The following NEK1 variants were observed in gnomAD, a reference collection of about 807,000 sequenced individuals.
NEK1 encodes the protein NIMA related kinase 1.
A neutral mutation model predicts 182.1 loss-of-function variants in NEK1; 137 were observed. That is an observed-to-expected ratio of 0.75 (90% CI 0.65 to 0.87). The LOEUF (loss-of-function observed/expected upper bound fraction) is 0.87. NEK1 is among the 40% of genes least tolerant of loss of function. The pLI, the probability that NEK1 is intolerant of heterozygous loss-of-function variation, is 0.00. For missense variants in NEK1, 1,391 were observed against 1,494.4 expected (o/e 0.93, Z 1.14); for synonymous variants, 513 against 492.2 (o/e 1.04, Z -0.56).
intron 23 of NEK1, among the ~76,000 whole-genome samples, chr4:169,497,134 AG>A (rs1751467437): frequency 6.6e-6 from 1 of 152,000 alleles, no homozygotes; most frequent in African/African-American, 2.4e-5. Context: ...TAGTCTTGGG[AG>A]GGTGTATGTG....
intron 12 of NEK1, among the ~76,000 whole-genome samples, chr4:169,575,581 G>C (rs935539577): frequency 2.0e-5 from 3 of 152,178 alleles, no homozygotes; most frequent in African/African-American, 7.2e-5. Flanking sequence ...ATCCCAGCTA[G>C]AGCAGCACCA....
intron 29 of NEK1, among the ~76,000 whole-genome samples, chr4:169,428,262 T>C (rs1415533504): frequency 6.6e-6 from 1 of 150,844 alleles, no homozygotes; most frequent in African/African-American, 2.4e-5. Context: ...AGATACTGTG[T>C]GTCAATGTTC....
chr4:169,596,370 A>C (rs564205761), intron 5 of NEK1, among the ~76,000 whole-genome samples: 1 of 152,154 alleles, frequency 6.6e-6, no homozygotes, highest in Admixed American at 6.5e-5. Context: ...GCCAGATTTT[A>C]TTTTGATCAA....
intron 23 of NEK1, among the ~76,000 whole-genome samples, chr4:169,481,090 A>G (rs1028629090): frequency 1.3e-5 from 2 of 152,198 alleles, no homozygotes; most frequent in Non-Finnish European, 2.9e-5. Context: ...GCTCCTCCAT[A>G]AGAAGCAATT....
intron 23 of NEK1, among the ~76,000 whole-genome samples, chr4:169,482,730 G>A: frequency 6.6e-6 from 1 of 151,776 alleles, no homozygotes; most frequent in African/African-American, 2.4e-5. Context: ...CCTCCCTCCT[G>A]GATTTACATG....
chr4:169,486,490 T>C (rs1749065844), intron 23 of NEK1, among the ~76,000 whole-genome samples: 1 of 152,258 alleles, frequency 6.6e-6, no homozygotes, highest in Admixed American at 6.5e-5. Context: ...AAGGATTTAA[T>C]GTATGCTAGG....
intron 23 of NEK1, among the ~76,000 whole-genome samples, chr4:169,488,099 A>G (rs936204212): frequency 6.6e-6 from 1 of 152,126 alleles, no homozygotes; most frequent in African/African-American, 2.4e-5. Context: ...ATAGATTGCA[A>G]AAATTTTCTC....
intron 27 of NEK1, among the ~76,000 whole-genome samples, chr4:169,458,583 C>T (rs974490873): frequency 6.6e-6 from 1 of 151,954 alleles, no homozygotes. Context: ...CAAAAATTAG[C>T]CAGGCACAAT....
At chr4:169,451,468 C>G (rs935830078) in intron 27 of NEK1, among the ~76,000 whole-genome samples, 4 of 152,136 alleles carry the variant, frequency 2.6e-5, no homozygotes, top group African/African-American at 9.7e-5. Context: ...AATTAGAACT[C>G]AGGATTAAGA....
At chr4:169,481,807 C>T (rs1748077962) in intron 23 of NEK1, among the ~76,000 whole-genome samples, 1 of 152,276 alleles carries the variant, frequency 6.6e-6, no homozygotes, top group Admixed American at 6.5e-5. Flanking sequence ...CATTAGCTCC[C>T]AACAAGAGAG....
intron 2 of NEK1, among the ~76,000 whole-genome samples, chr4:169,603,286 T>C (rs1284882056): frequency 6.6e-6 from 1 of 152,194 alleles, no homozygotes; most frequent in Non-Finnish European, 1.5e-5. Flanking sequence ...CTGGTTATTA[T>C]TATTTCTTGT....
At chr4:169,470,330 C>CA (rs1745723172) in intron 26 of NEK1, among the ~76,000 whole-genome samples, 1 of 151,916 alleles carries the variant, frequency 6.6e-6, no homozygotes, top group Non-Finnish European at 1.5e-5. Context: ...CTGGTGGTAA[C>CA]AAAATCCCTT....
intron 10 of NEK1, among the ~76,000 whole-genome samples, chr4:169,584,805 G>GA (rs1460060116): frequency 6.6e-6 from 1 of 152,116 alleles, no homozygotes; most frequent in Non-Finnish European, 1.5e-5. Flanking sequence ...GTGAAGCACA[G>GA]AAATGCTCAA....
chr4:169,493,233 A>T (rs1750456246), intron 23 of NEK1, among the ~76,000 whole-genome samples: 2 of 152,158 alleles, frequency 1.3e-5, no homozygotes, highest in Non-Finnish European at 2.9e-5. Flanking sequence ...CCAGAAAAGA[A>T]GCCAATCGAG....
At chr4:169,425,644 G>A (rs1431822785) in intron 30 of NEK1, among the ~76,000 whole-genome samples, 1 of 151,980 alleles carries the variant, frequency 6.6e-6, no homozygotes, top group Non-Finnish European at 1.5e-5. Flanking sequence ...TCAGTCTCCT[G>A]AGTAGATGAG....
At chr4:169,496,884 GC>G (rs1751417105) in intron 23 of NEK1, among the ~76,000 whole-genome samples, 1 of 152,134 alleles carries the variant, frequency 6.6e-6, no homozygotes, top group Non-Finnish European at 1.5e-5. Flanking sequence ...TTGTGTCTCT[GC>G]CAGGCTTTGG....
rs72692992 is a variant in NEK1, at chr4:169,594,593, T to C, written c.313-3784A>G. On this transcript the variant is annotated intron_variant, in intron 5 of 35. Coordinates refer to ENST00000507142, the MANE Select transcript of NEK1 (RefSeq NM_001199397.3). ...AAGTTCCTCACTGTGAAGATCCTTA[T>C]AATTTTATTTCCTTCATCTACATTT... Among the ~76,000 whole-genome samples, 547 of 152,350 alleles carry C rather than the reference T, an allele frequency of 3.6e-3. 3 individuals are homozygous for C. The highest frequency in any genetic ancestry group is 0.022 in the South Asian group (105 of 4,832).
At chr4:169,548,803 G>A (rs1760949122) in intron 18 of NEK1, among the ~76,000 whole-genome samples, 1 of 152,162 alleles carries the variant, frequency 6.6e-6, no homozygotes, top group African/African-American at 2.4e-5. Flanking sequence ...CTCAGCAATG[G>A]TGGACACCCC....
intron 18 of NEK1, among the ~76,000 whole-genome samples, chr4:169,552,999 A>G (rs1005236471): frequency 1.3e-5 from 2 of 152,214 alleles, no homozygotes; most frequent in Non-Finnish European, 2.9e-5. Context: ...GTTCTTCCCA[A>G]GCTGATCTAC....
Sources: allele counts gnomAD v4.1 joint callset (sites outside exome capture counted in the v4.1 genomes callset), GRCh38; gene constraint gnomAD v4.1.1; transcripts MANE v1.5; gene names NCBI Gene and HGNC (gene_info 2026-07-23, HGNC 2026-07-21).